The following TOR1AIP1 variants were observed in gnomAD, a reference collection of about 807,000 sequenced individuals.
TOR1AIP1 encodes the protein torsin-1A-interacting protein 1.
A neutral mutation model predicts 63.3 loss-of-function variants in TOR1AIP1; 54 were observed. The observed-to-expected ratio is 0.85, with a 90% CI of 0.69 to 1.07. The LOEUF is 1.07. Among genes scored for constraint, TOR1AIP1 ranks in the 50% least tolerant of loss-of-function variants. The pLI is 0.00. For missense variants in TOR1AIP1, 736 were observed against 715.0 expected (o/e 1.03, Z -0.33); for synonymous variants, 294 against 273.5 (o/e 1.07, Z -0.74).
At chr1:179,887,385 C>T (rs1472747246) in intron 2 of TOR1AIP1, among the ~76,000 whole-genome samples, 3 of 151,796 alleles carry the variant, frequency 2.0e-5, no homozygotes, top group Admixed American at 1.3e-4. Context: ...GGTGATGGAG[C>T]CAGAGTCCGT....
chr1:179,882,873 C>T lies in TOR1AIP1; in HGVS notation c.371C>T (p.Thr124Met), dbSNP rs377375784. 24 of 1,614,084 alleles carry T rather than the reference C, an allele frequency of 1.5e-5. 1 individual carries two copies. The Admixed American group carries it at 2.0e-4, about 13-fold the overall frequency. Residue 124 changes from threonine to methionine, a missense_variant, in exon 1 of 10, where the codon ACG becomes ATG. Thr to Met is a moderately conservative substitution (Grantham distance 81, BLOSUM62 -1). Transcript: ENST00000606911. ...CCCCAGGAAACCGAGGAAATGAAGA[C>T]GCGAAGGACTACCCGCCTTCAGCAG... ...PRPQETEEMK[T>M]RRTTRLQQQH...
intron 3 of TOR1AIP1, among the ~76,000 whole-genome samples, chr1:179,896,976 T>C (rs1002535353): frequency 6.6e-6 from 1 of 152,196 alleles, no homozygotes; most frequent in Non-Finnish European, 1.5e-5. Flanking sequence ...TTGTCAAATC[T>C]ACGGGGATTA....
chr1:179,898,339 C>T (rs1021699465), intron 3 of TOR1AIP1, among the ~76,000 whole-genome samples: 8 of 151,966 alleles, frequency 5.3e-5, no homozygotes, highest in African/African-American at 1.9e-4. Context: ...TTTTGAAAAT[C>T]AAATAGCATC....
chr1:179,888,465 G>A (rs1443787475), intron 2 of TOR1AIP1, among the ~76,000 whole-genome samples: 2 of 152,110 alleles, frequency 1.3e-5, no homozygotes, highest in Admixed American at 1.3e-4. Context: ...GCCTAGGCTG[G>A]CAAGATTTAT....
At chr1:179,891,535 T>G (rs544114993) in intron 3 of TOR1AIP1, among the ~76,000 whole-genome samples, 93 of 145,178 alleles carry the variant, frequency 6.4e-4, no homozygotes, top group Non-Finnish European at 1.1e-3. Flanking sequence ...TCTCCTTGAT[T>G]TTTATTTTTA....
chr1:179,899,620 G>A (rs930633182), intron 3 of TOR1AIP1, among the ~76,000 whole-genome samples: 1 of 152,142 alleles, frequency 6.6e-6, no homozygotes, highest in Admixed American at 6.5e-5. Flanking sequence ...AAATAGACCT[G>A]TGACTGAAGG....
At chr1:179,886,395 T>G (rs1647908454) in intron 2 of TOR1AIP1, among the ~76,000 whole-genome samples, 1 of 152,202 alleles carries the variant, frequency 6.6e-6, no homozygotes, top group Admixed American at 6.5e-5. Flanking sequence ...ACACCATGGC[T>G]GCATGAGGTT....
At chr1:179,914,884 C>G (rs1266831213) in intron 9 of TOR1AIP1, among the ~76,000 whole-genome samples, 4 of 151,724 alleles carry the variant, frequency 2.6e-5, no homozygotes, top group African/African-American at 9.7e-5. Flanking sequence ...TTAAGAACCT[C>G]AAAGAGCTTT....
chr1:179,905,817 G>C (rs1189136702), intron 6 of TOR1AIP1, among the ~76,000 whole-genome samples: 1 of 152,140 alleles, frequency 6.6e-6, no homozygotes, highest in East Asian at 1.9e-4. Context: ...ACCACGTATG[G>C]TGATAGGTGC....
chr1:179,886,135 C>T (rs975520825), intron 2 of TOR1AIP1, among the ~76,000 whole-genome samples: 5 of 152,114 alleles, frequency 3.3e-5, no homozygotes, highest in Admixed American at 2.6e-4. Context: ...ATCAGATTTT[C>T]TGGGCCATTT....
chr1:179,894,941 T>C (rs1021571704), intron 3 of TOR1AIP1, among the ~76,000 whole-genome samples: 3 of 152,214 alleles, frequency 2.0e-5, no homozygotes, highest in Non-Finnish European at 4.4e-5. Flanking sequence ...TAGGGAATTT[T>C]ATAAGTTGTA....
intron 3 of TOR1AIP1, among the ~76,000 whole-genome samples, chr1:179,897,102 T>C (rs576240311): frequency 2.6e-5 from 4 of 152,350 alleles, no homozygotes; most frequent in African/African-American, 9.6e-5. Flanking sequence ...ATTCTTGTTT[T>C]GAATACTATT....
rs1286012704 is a variant in TOR1AIP1 at position 179,882,881 on chromosome 1, A to T, written c.379A>T (p.Thr127Ser). Residue 127 changes from threonine (T) to serine (S), a missense_variant, in exon 1 of 10, where the codon ACT (threonine) becomes TCT (serine). Coordinates refer to ENST00000606911, the MANE Select transcript of TOR1AIP1 (RefSeq NM_015602.4). ...QETEEMKTRR[T>S]TRLQQQHSEQ... is the part of the protein sequence containing the mutation. The stretch of plus-strand genomic sequence containing the variant: ...AACCGAGGAAATGAAGACGCGAAGG[A>T]CTACCCGCCTTCAGCAGCAGCACTC... 1.2e-6 allele frequency: 2 copies of T among 1,614,038 alleles called. No homozygotes were observed. Among genetic ancestry groups the T allele is most frequent in the Admixed American group, 1.7e-5 (1 of 60,010 alleles).
rs1466387599 is a variant in TOR1AIP1, at chr1:179,918,479, C to T, written c.*240C>T. The T allele has an allele frequency of 2.2e-6, 1 of 457,564 alleles. No homozygotes were observed. The highest frequency in any genetic ancestry group is 2.0e-5 in the African/African-American group (1 of 50,384). The allele number at this position is 457,564 out of a possible 1,614,324, so 28.3% of individuals were successfully genotyped here. On this transcript the variant is annotated 3_prime_UTR_variant, in exon 10 of 10. Coordinates refer to ENST00000606911, the MANE Select transcript of TOR1AIP1 (RefSeq NM_015602.4). Reference sequence around the variant, plus strand: ...GTATCTTAGGAGTGCAGATTATATGCAGTTCCTTAGAGAATCTGTTTTGAT... The same window carrying T: ...GTATCTTAGGAGTGCAGATTATATGTAGTTCCTTAGAGAATCTGTTTTGAT...
intron 6 of TOR1AIP1, among the ~76,000 whole-genome samples, chr1:179,907,069 A>G (rs1402999447): frequency 6.6e-6 from 1 of 151,790 alleles, no homozygotes; most frequent in Non-Finnish European, 1.5e-5. Flanking sequence ...ACGAACAGTA[A>G]TAGCATCTAC....
At chr1:179,897,110 A>G (rs1348011969) in intron 3 of TOR1AIP1, among the ~76,000 whole-genome samples, 2 of 152,194 alleles carry the variant, frequency 1.3e-5, no homozygotes, top group Admixed American at 6.5e-5. Context: ...TTTGAATACT[A>G]TTGATAAATA....
At chr1:179,902,042 T>TTTTG (rs1055490838) in intron 5 of TOR1AIP1, among the ~76,000 whole-genome samples, 1 of 149,128 alleles carries the variant, frequency 6.7e-6, no homozygotes, top group Non-Finnish European at 1.5e-5. Flanking sequence ...TTTTTTTTTT[T>TTTTG]TAAGGCAGAG....
At chr1:179,886,693 A>G (rs1338423070) in intron 2 of TOR1AIP1, among the ~76,000 whole-genome samples, 1 of 152,218 alleles carries the variant, frequency 6.6e-6, no homozygotes, top group Non-Finnish European at 1.5e-5. Context: ...GACAGATTAA[A>G]TGGAATCTGC....
At chr1:179,914,860 C>T (rs940937475) in intron 9 of TOR1AIP1, among the ~76,000 whole-genome samples, 3 of 151,640 alleles carry the variant, frequency 2.0e-5, no homozygotes, top group African/African-American at 7.3e-5. Flanking sequence ...TACCGCTTTA[C>T]ACTAGTAAAG....
Sources: allele counts gnomAD v4.1 joint callset (sites outside exome capture counted in the v4.1 genomes callset), GRCh38; gene constraint gnomAD v4.1.1; transcripts MANE v1.5; gene names NCBI Gene and HGNC (gene_info 2026-07-23, HGNC 2026-07-21).